The following PNKD variants were observed in gnomAD, a reference collection of about 807,000 sequenced individuals.
PNKD encodes the protein probable thioesterase PNKD.
A neutral mutation model predicts 45.3 loss-of-function variants in PNKD; 36 were observed. The ratio of observed to expected loss-of-function variants is 0.80; its 90% CI spans 0.61 to 1.05. PNKD has a LOEUF of 1.05. Among genes scored for constraint, PNKD ranks in the 50% least tolerant of loss-of-function variants. The pLI, the probability that PNKD is intolerant of heterozygous loss-of-function variation, is 0.00. For synonymous variants in PNKD, 197 were observed against 210.1 expected, an observed-to-expected ratio of 0.94 and a Z score of 0.54; for missense variants, 511 against 506.6, an observed-to-expected ratio of 1.01 and a Z score of -0.08.
At chr2:218,286,784 G>A (rs1183048378) in intron 2 of PNKD, 2 of 152,274 alleles carry the variant, frequency 1.3e-5, no homozygotes, top group East Asian at 1.9e-4. Flanking sequence ...GTGTACTGGA[G>A]GGAGGGATGG....
At chr2:218,323,154 G>GC in intron 2 of PNKD, 1 of 1,342,298 alleles carries the variant, frequency 7.4e-7, no homozygotes, top group Non-Finnish European at 9.5e-7. Flanking sequence ...GCGGGGCGGG[G>GC]CCACAACGCC....
chr2:218,319,137 T>C (rs796667543), intron 2 of PNKD, among the ~76,000 whole-genome samples: 17 of 151,556 alleles, frequency 1.1e-4, no homozygotes, highest in African/African-American at 4.1e-4. Flanking sequence ...GTATTTTTAG[T>C]AGAGACGGGG....
chr2:218,341,437 G>A lies in PNKD; in HGVS notation c.525-97G>A, dbSNP rs1057430207. 5 of 765,912 alleles carry A rather than the reference G, an allele frequency of 6.5e-6. No individual in the cohort carries two copies. In the East Asian group the frequency reaches 1.1e-4, roughly 17 times the overall value. The allele number at this position is 765,912 out of a possible 1,614,324, so 47.4% of individuals were successfully genotyped here. ...AACTTGGCTTAGTCCAGAAGCCACA[G>A]CCCCAGCACTTAAAGGCCTGGAGAT... On this transcript the variant is annotated intron_variant, in intron 5 of 9. Transcript: ENST00000273077.
intron 2 of PNKD, among the ~76,000 whole-genome samples, chr2:218,285,427 A>C (rs1692426078): frequency 6.6e-6 from 1 of 151,928 alleles, no homozygotes. Flanking sequence ...CATGGGTTTT[A>C]GCCTCAACAG....
intron 2 of PNKD, chr2:218,280,393 T>TG (rs1691782351): frequency 5.0e-6 from 2 of 400,244 alleles, no homozygotes; most frequent in South Asian, 4.8e-5. Context: ...GGGGGTTCAC[T>TG]GGGGGGTCAC....
chr2:218,283,338 A>G (rs1692221071), intron 2 of PNKD, among the ~76,000 whole-genome samples: 1 of 152,224 alleles, frequency 6.6e-6, no homozygotes, highest in Non-Finnish European at 1.5e-5. Context: ...GAGGCCTTCC[A>G]GATCCTGGGT....
intron 7 of PNKD, 106 bp downstream of exon 7, chr2:218,342,250 G>A: frequency 1.1e-6 from 1 of 928,904 alleles, no homozygotes; most frequent in South Asian, 1.4e-5. Context: ...TAGCACAGAT[G>A]TTGCCGTGGC....
At chr2:218,305,398 C>T (rs911426874) in intron 2 of PNKD, among the ~76,000 whole-genome samples, 2 of 152,128 alleles carry the variant, frequency 1.3e-5, no homozygotes, top group Non-Finnish European at 2.9e-5. Flanking sequence ...GTCACTCAGG[C>T]TGGAGTGCAG....
chr2:218,328,983 G>A (rs2106281538), intron 2 of PNKD, among the ~76,000 whole-genome samples: 1 of 152,278 alleles, frequency 6.6e-6, no homozygotes, highest in Non-Finnish European at 1.5e-5. Flanking sequence ...CAAGGCAGGT[G>A]GATTTCTTGA....
At chr2:218,291,038 T>C (rs910142363) in intron 2 of PNKD, among the ~76,000 whole-genome samples, 3 of 152,192 alleles carry the variant, frequency 2.0e-5, no homozygotes, top group African/African-American at 7.2e-5. Flanking sequence ...GGGTGAGGCC[T>C]GCGGTTGGAG....
chr2:218,346,098 A>G lies in PNKD; in HGVS notation c.*1117A>G, dbSNP rs940914534. The G allele has an allele frequency of 6.6e-6, 1 of 152,322 alleles. No individual in the cohort carries two copies. 9.4% of individuals were successfully genotyped at this position (152,322 alleles called of 1,614,324 possible). A position where few individuals can be genotyped will look rare whatever the true frequency, so the allele number is the denominator to read the frequency against. On this transcript the variant is annotated 3_prime_UTR_variant, in exon 10 of 10. Transcript: ENST00000273077. ...GAAGTCTGTGAGAGCGCGGGAGTGC[A>G]TGGCAGCTCTGGGTCCCAGACCTGG...
intron 2 of PNKD, among the ~76,000 whole-genome samples, chr2:218,304,333 A>C (rs1353271641): frequency 1.3e-5 from 2 of 151,988 alleles, no homozygotes; most frequent in Non-Finnish European, 2.9e-5. Context: ...TAGTAGAGAC[A>C]GGGTTTCACC....
chr2:218,295,970 C>T lies in PNKD; in HGVS notation c.236+24421C>T, dbSNP rs909291623. On this transcript the variant is annotated intron_variant, in intron 2 of 9. Coordinates refer to ENST00000273077, the MANE Select transcript of PNKD (RefSeq NM_015488.5). ...AAGCCATCCTCCCACCTCAGCCTCT[C>T]AAGTAGCTGGGACTACAGACATGAG... Among the ~76,000 whole-genome samples, 13 of 151,732 alleles carry T rather than the reference C, an allele frequency of 8.6e-5. No individual in the cohort carries two copies. The East Asian group carries it at 2.3e-3, about 27-fold the overall frequency.
intron 2 of PNKD, chr2:218,274,792 GC>G (rs1559498278): frequency 6.5e-6 from 1 of 154,552 alleles, no homozygotes; most frequent in African/African-American, 2.4e-5. Flanking sequence ...CAAGCCAGGA[GC>G]AAGCCCAGGG....
chr2:218,344,616 G>A, intron 9 of PNKD, 46 bp downstream of exon 9: 1 of 1,522,794 alleles, frequency 6.6e-7, no homozygotes, highest in South Asian at 1.1e-5. Context: ...CAGGCACTCA[G>A]CCCCAACGGG....
At chr2:218,294,469 GAACA>G (rs1370471520) in intron 2 of PNKD, among the ~76,000 whole-genome samples, 3 of 152,114 alleles carry the variant, frequency 2.0e-5, no homozygotes, top group African/African-American at 4.8e-5. Context: ...GCCAAGGAAG[GAACA>G]AACAGACACC....
At chr2:218,315,120 C>CCTTCCTTT (rs1553667878) in intron 2 of PNKD, among the ~76,000 whole-genome samples, 27 of 47,174 alleles carry the variant, frequency 5.7e-4, no homozygotes, top group African/African-American at 1.0e-3. Flanking sequence ...TTCCTTCCTT[C>CCTTCCTTT]CTTTCTTTCT....
intron 7 of PNKD, among the ~76,000 whole-genome samples, chr2:218,342,756 A>G (rs1384792713): frequency 2.0e-5 from 3 of 152,268 alleles, no homozygotes; most frequent in Non-Finnish European, 4.4e-5. Context: ...GCAGTGACTC[A>G]GGCCTGTAAT....
intron 2 of PNKD, among the ~76,000 whole-genome samples, chr2:218,297,997 CA>C (rs60172979): frequency 7.3e-4 from 95 of 130,154 alleles, no homozygotes; most frequent in South Asian, 7.2e-4. Flanking sequence ...GACTCCATCT[CA>C]AAAAAAAAAA....
Sources: allele counts gnomAD v4.1 joint callset (sites outside exome capture counted in the v4.1 genomes callset), GRCh38; gene constraint gnomAD v4.1.1; transcripts MANE v1.5; gene names NCBI Gene and HGNC (gene_info 2026-07-23, HGNC 2026-07-21).